Variants in POF1B observed in about 807,000 individuals in gnomAD.
The protein encoded by POF1B is POF1B actin binding protein, also known as protein POF1B.
In POF1B, 53 loss-of-function variants were observed where a neutral mutation model predicts 55.3. The observed-to-expected ratio is 0.96, with a 90% CI of 0.77 to 1.20. POF1B has a LOEUF of 1.20. Ranked by LOEUF, POF1B falls within the 50% of genes most tolerant of loss-of-function variation. POF1B has a pLI of 0.00. For synonymous variants in POF1B, 188 were observed against 148.3 expected (o/e 1.27, Z -1.95); for missense variants, 478 against 420.5 (o/e 1.14, Z -1.20).
At chrX:85,355,249 A>G (rs1207466018) in intron 4 of POF1B, among the ~76,000 whole-genome samples, 1 of 111,932 alleles carries the variant, frequency 8.9e-6, no homozygotes, top group East Asian at 2.8e-4. Flanking sequence ...AAAACTGGCT[A>G]GCCATATGTA....
At chrX:85,371,876 A>T (rs1933827983) in intron 2 of POF1B, among the ~76,000 whole-genome samples, 1 of 111,696 alleles carries the variant, frequency 9.0e-6, no homozygotes, top group African/African-American at 3.3e-5. Context: ...AACTCAATAA[A>T]CCATTGAATT....
chrX:85,324,703 T>C (rs1394585554), intron 7 of POF1B, among the ~76,000 whole-genome samples: 1 of 111,408 alleles, frequency 9.0e-6, no homozygotes, highest in Non-Finnish European at 1.9e-5. Context: ...ATTTAGCTCA[T>C]TTGTATTCAA....
chrX:85,366,531 A>G (rs1319721039), intron 3 of POF1B, among the ~76,000 whole-genome samples: 1 of 111,740 alleles, frequency 8.9e-6, no homozygotes, highest in Non-Finnish European at 1.9e-5. Flanking sequence ...TGTACAGTAA[A>G]CCCAATTTTA....
At chrX:85,338,363 T>C (rs1191397237) in intron 6 of POF1B, among the ~76,000 whole-genome samples, 2 of 111,450 alleles carry the variant, frequency 1.8e-5, no homozygotes, top group African/African-American at 6.5e-5. Context: ...CTGAAATGGA[T>C]TTAGTGAAAC....
In POF1B at chrX:85,315,009, AC is replaced by A. The variant is rs753217698; in HGVS notation, c.883-504del. Reference sequence around the variant, plus strand: ...GGAAGATTATGATGTTGCCACCACAACACTGAAACAGCTTCAACTAATTTTA... The same window carrying A: ...GGAAGATTATGATGTTGCCACCACAAACTGAAACAGCTTCAACTAATTTTA... On this transcript the variant is annotated intron_variant, in intron 8 of 16. Coordinates refer to ENST00000262753, the MANE Select transcript of POF1B (RefSeq NM_024921.4). 2.7e-3 allele frequency among the ~76,000 whole-genome samples: 301 copies of A among 111,587 alleles called. 2 individuals are homozygous for A. The highest frequency in any genetic ancestry group is 3.2e-3 in the Non-Finnish European group (168 of 52,896).
chrX:85,291,243 T>C (rs1932179424), intron 15 of POF1B, among the ~76,000 whole-genome samples: 2 of 111,900 alleles, frequency 1.8e-5, no homozygotes, highest in African/African-American at 6.5e-5. Flanking sequence ...CAGATTGTTA[T>C]AGGTGTCTGG....
intron 6 of POF1B, among the ~76,000 whole-genome samples, chrX:85,339,008 G>T (rs1376663938): frequency 9.6e-6 from 1 of 103,730 alleles, no homozygotes; most frequent in Non-Finnish European, 1.9e-5. Flanking sequence ...ATATCATGTT[G>T]TCAAGGGATA....
chrX:85,354,215 T>G (rs1343641834), intron 4 of POF1B, among the ~76,000 whole-genome samples: 1 of 110,953 alleles, frequency 9.0e-6, no homozygotes, highest in African/African-American at 3.3e-5. Flanking sequence ...GACACTTGTT[T>G]TAAATAATAT....
intron 7 of POF1B, among the ~76,000 whole-genome samples, chrX:85,328,472 G>C (rs1262003503): frequency 4.5e-5 from 5 of 111,058 alleles, no homozygotes; most frequent in Admixed American, 9.6e-5. Context: ...CCAAAGTGCT[G>C]GGATTACAGG....
At position 85,364,909 on chromosome X, in the gene POF1B, T is replaced by C. The variant is rs1417085659; in HGVS notation, c.357+2783A>G. 3.6e-5 allele frequency among the ~76,000 whole-genome samples: 4 copies of C among 112,310 alleles called. No individual in the cohort carries two copies. In the Admixed American group the frequency reaches 3.8e-4, roughly 11 times the overall value. On this transcript the variant is annotated intron_variant, in intron 3 of 16. Coordinates refer to ENST00000262753, the MANE Select transcript of POF1B (RefSeq NM_024921.4). ...CAATATTTCATAGATTTAGCTTGTT[T>C]ACATAATCCCATATTCCTCAGAGAT...
At chrX:85,328,821 C>T (rs1243971334) in intron 7 of POF1B, among the ~76,000 whole-genome samples, 1 of 103,566 alleles carries the variant, frequency 9.7e-6, no homozygotes, top group African/African-American at 3.6e-5. Context: ...TGATACTATA[C>T]ATTTAGTATG....
In POF1B at chrX:85,277,513, C is replaced by T. The variant is rs1215306551; in HGVS notation, c.*1908G>A. On this transcript the variant is annotated 3_prime_UTR_variant, in exon 17 of 17. Coordinates refer to ENST00000262753, the MANE Select transcript of POF1B (RefSeq NM_024921.4). ...CCGGTTGTGCTATCAAATACTAGGT[C>T]TTATTTATACTTTCTAACTACATAG... 1 of 110,531 alleles carries T rather than the reference C, an allele frequency of 9.0e-6. No individual in the cohort carries two copies. The highest frequency in any genetic ancestry group is 3.3e-5 in the African/African-American group (1 of 30,561). 9.1% of individuals were successfully genotyped at this position (110,531 alleles called of 1,213,427 possible).
At chrX:85,330,783 G>A (rs762018446) in intron 7 of POF1B, among the ~76,000 whole-genome samples, 166 bp downstream of exon 7, 6 of 111,258 alleles carry the variant, frequency 5.4e-5, no homozygotes, top group African/African-American at 9.8e-5. Flanking sequence ...AAACCTGCAC[G>A]TTGTGCACAT....
intron 2 of POF1B, among the ~76,000 whole-genome samples, chrX:85,372,588 A>T (rs1933847758): frequency 9.4e-6 from 1 of 106,612 alleles, no homozygotes; most frequent in Admixed American, 1.0e-4. Flanking sequence ...ATGGGGACCT[A>T]GGGGACGGAT....
At chrX:85,352,216 C>T (rs1933405180) in intron 4 of POF1B, among the ~76,000 whole-genome samples, 1 of 110,873 alleles carries the variant, frequency 9.0e-6, no homozygotes, top group South Asian at 3.7e-4. Flanking sequence ...TGTTCTTTTC[C>T]CTTCCTTTGG....
At chrX:85,340,736 A>G (rs1334180361) in intron 6 of POF1B, among the ~76,000 whole-genome samples, 1 of 110,718 alleles carries the variant, frequency 9.0e-6, no homozygotes, top group Non-Finnish European at 1.9e-5. Flanking sequence ...CCAAAATGTC[A>G]GTAGAGAGTG....
chrX:85,364,650 G>C (rs1323283903), intron 3 of POF1B, among the ~76,000 whole-genome samples: 1 of 110,925 alleles, frequency 9.0e-6, no homozygotes, highest in African/African-American at 3.3e-5. Context: ...CTTTATAAGT[G>C]ACCTGCCCTT....
rs988995100 is a variant in POF1B at position 85,314,426 on chromosome X, A to G, written c.957+6T>C. The G allele has an allele frequency of 4.2e-6, 5 of 1,184,877 alleles. No homozygotes were observed. The highest frequency in any genetic ancestry group is 4.5e-6 in the Non-Finnish European group (4 of 881,950). Reference sequence around the variant, plus strand: ...TTTCACACATCCACTCTTGACCCCAACTCACCTGCAGAATGTAGCGTATTT... The same window carrying G: ...TTTCACACATCCACTCTTGACCCCAGCTCACCTGCAGAATGTAGCGTATTT... On this transcript the variant is annotated splice_donor_region_variant and intron_variant, in intron 9 of 16. Coordinates refer to ENST00000262753, the MANE Select transcript of POF1B (RefSeq NM_024921.4).
At chrX:85,340,773 A>G (rs1195733538) in intron 6 of POF1B, among the ~76,000 whole-genome samples, 1 of 110,731 alleles carries the variant, frequency 9.0e-6, no homozygotes, top group Admixed American at 9.7e-5. Context: ...CAGGTGGTGT[A>G]TAAGGATTAC....
Sources: allele counts gnomAD v4.1 joint callset (sites outside exome capture counted in the v4.1 genomes callset), GRCh38; gene constraint gnomAD v4.1.1; transcripts MANE v1.5; gene names NCBI Gene and HGNC (gene_info 2026-07-23, HGNC 2026-07-21).